The following NUP62 variants were observed in gnomAD, a reference collection of about 807,000 sequenced individuals.
NUP62 encodes nuclear pore glycoprotein p62.
For missense variants in NUP62, 647 were observed against 689.4 expected (o/e 0.94, Z 0.69); for synonymous variants, 305 against 303.4 (o/e 1.01, Z -0.05).
intron 2 of NUP62, among the ~76,000 whole-genome samples, chr19:49,914,887 G>A (rs1168152642): frequency 6.6e-6 from 1 of 151,536 alleles, no homozygotes; most frequent in Non-Finnish European, 1.5e-5. Flanking sequence ...TTACAGGCGT[G>A]CACCACCATG....
At position 49,908,429 on chromosome 19, in the gene NUP62, G is replaced by A. The variant is rs368893422; in HGVS notation, c.1379C>T (p.Thr460Met). ...ACTGGTGTCGGCGGGGGCCCCGGAC[G>A]TGTTCAGGTGCTCGATGATGTCCTT... ...DLKDIIEHLN[T>M]SGAPADTSDP... The change falls in exon 3 of 3, where the codon ACG becomes ATG. Residue 460 changes from threonine (T) to methionine (M), a missense_variant. Transcript: ENST00000352066. 5.0e-6 allele frequency: 8 copies of A among 1,614,024 alleles called. No homozygotes were observed. The highest frequency in any genetic ancestry group is 1.1e-5 in the South Asian group (1 of 91,092).
chr19:49,917,261 C>T (rs1264029251), intron 2 of NUP62, among the ~76,000 whole-genome samples: 1 of 152,234 alleles, frequency 6.6e-6, no homozygotes, highest in Non-Finnish European at 1.5e-5. Flanking sequence ...ACTGCCTTCC[C>T]TCACTTGCCC....
At chr19:49,925,860 T>A (rs995491328) in intron 2 of NUP62, among the ~76,000 whole-genome samples, 9 of 152,196 alleles carry the variant, frequency 5.9e-5, no homozygotes, top group Non-Finnish European at 1.0e-4. Context: ...CCGTATTATC[T>A]TTGCAACTTT....
intron 2 of NUP62, among the ~76,000 whole-genome samples, chr19:49,923,041 C>T (rs1451898461): frequency 1.3e-5 from 2 of 152,278 alleles, no homozygotes; most frequent in Non-Finnish European, 2.9e-5. Context: ...GGCTCTAGGA[C>T]ACTGGTGTCA....
At chr19:49,922,829 C>T (rs1415969046) in intron 2 of NUP62, among the ~76,000 whole-genome samples, 2 of 152,112 alleles carry the variant, frequency 1.3e-5, no homozygotes, top group Admixed American at 6.5e-5. Context: ...TTCTGGGAGC[C>T]ACCCCTCCCT....
chr19:49,912,464 C>T (rs746670077), intron 2 of NUP62, among the ~76,000 whole-genome samples: 6 of 152,156 alleles, frequency 3.9e-5, no homozygotes, highest in South Asian at 2.1e-4. Flanking sequence ...CCACTGCGCC[C>T]GGCCAACAGT....
At chr19:49,925,426 C>G (rs2075862732) in intron 2 of NUP62, among the ~76,000 whole-genome samples, 1 of 146,594 alleles carries the variant, frequency 6.8e-6, no homozygotes, top group Non-Finnish European at 1.5e-5. Flanking sequence ...AAGACCCTCC[C>G]CCCCATCTCT....
Position 49,908,959 on chromosome 19 carries a change from G to A in NUP62, c.849C>T (p.Ser283=), listed in dbSNP as rs756025011. ...TAATATATTT[S]SSSTTGFALN... is the part of the protein sequence containing the mutation. ...AGGCAAAGCCGGTGGTGCTGCTGCT[G>A]CTGGTGGTGGTGGCGGTGGCGGTGG... The change falls in exon 3 of 3, where the codon AGC becomes AGT. Residue 283 remains serine, a synonymous_variant. Transcript: ENST00000352066. The A allele has an allele frequency of 1.3e-6, 2 of 1,596,358 alleles. No individual in the cohort carries two copies. The highest frequency in any genetic ancestry group is 1.7e-5 in the Admixed American group (1 of 59,574).
rs2075351535 is a variant in NUP62 at position 49,907,561 on chromosome 19, G to C, written c.*678C>G. 3 of 379,492 alleles carry C rather than the reference G, an allele frequency of 7.9e-6. No homozygotes were observed. Among genetic ancestry groups the C allele is most frequent in the Non-Finnish European group, 4.9e-6 (1 of 204,070 alleles). The allele number at this position is 379,492 out of a possible 1,614,324, so 23.5% of individuals were successfully genotyped here. ...TCTTTTTTTTTTTTTTTTTTTTTGA[G>C]ACAGAGTCTCTGTTGCCTAGGCTGG... On this transcript the variant is annotated 3_prime_UTR_variant, in exon 3 of 3. Coordinates refer to ENST00000352066, the MANE Select transcript of NUP62 (RefSeq NM_016553.5).
rs1397248860 is a variant in NUP62 at position 49,921,234 on chromosome 19, G to A, written c.-78+6460C>T. Among the ~76,000 whole-genome samples the A allele has an allele frequency of 6.6e-6, 1 of 152,080 alleles. No homozygotes were observed. Among genetic ancestry groups the A allele is most frequent in the Non-Finnish European group, 1.5e-5 (1 of 68,022 alleles). On this transcript the variant is annotated intron_variant, in intron 2 of 2. Transcript: ENST00000352066. This position sits in a 1 kb window ranked among gnomAD's most constrained non-coding sequence, Gnocchi z 5.4. ...ATGAGCAAACTGAGAAAGGGGAGAGGACTTCAGTCACCTGCGTAAAGTCCC... is the reference window on the plus strand; with the variant it reads ...ATGAGCAAACTGAGAAAGGGGAGAGAACTTCAGTCACCTGCGTAAAGTCCC...
chr19:49,914,129 G>C (rs992943388), intron 2 of NUP62, among the ~76,000 whole-genome samples: 2 of 152,186 alleles, frequency 1.3e-5, no homozygotes, highest in Admixed American at 1.3e-4. Context: ...CAGGAGGATT[G>C]CTTAAGCCCA....
intron 2 of NUP62, among the ~76,000 whole-genome samples, chr19:49,914,299 G>A (rs1016519718): frequency 1.3e-5 from 2 of 152,204 alleles, no homozygotes; most frequent in African/African-American, 2.4e-5. Flanking sequence ...TGGTGGCGGT[G>A]GAGGAAGCAG....
intron 2 of NUP62, among the ~76,000 whole-genome samples, chr19:49,914,459 G>A (rs1360625250): frequency 6.6e-6 from 1 of 152,170 alleles, no homozygotes; most frequent in Non-Finnish European, 1.5e-5. Flanking sequence ...GGTCACCAAG[G>A]AAAGTGCTGG....
rs2075399020 is a variant in NUP62, at chr19:49,909,242, G to T, written c.566C>A (p.Pro189His). ...GGCTGCTGGCGTGGCCGGAGTGAAG[G>T]GCAACGTGGCAGGTGCCGTGGGCTG... Reference protein sequence around the residue: ...SAQPTAPATLPFTPATPAATT... With the variant: ...SAQPTAPATLHFTPATPAATT... The change falls in exon 3 of 3, where the codon CCC becomes CAC. Residue 189 changes from proline to histidine, a missense_variant. Physicochemically the swap from Pro to His is moderately conservative, Grantham distance 77 (BLOSUM62 -2). Coordinates refer to ENST00000352066, the MANE Select transcript of NUP62 (RefSeq NM_016553.5). The T allele has an allele frequency of 1.2e-6, 2 of 1,614,038 alleles. No individual in the cohort carries two copies.
At position 49,918,940 on chromosome 19, in the gene NUP62, G is replaced by A. The variant is rs560801549; in HGVS notation, c.-78+8754C>T. ...GTGGGGGGGCGGATCACCTGAGGTC[G>A]GGAGTTTGAGACCAGCCTGACCAAC... On this transcript the variant is annotated intron_variant, in intron 2 of 2. Coordinates refer to ENST00000352066, the MANE Select transcript of NUP62 (RefSeq NM_016553.5). Among the ~76,000 whole-genome samples the A allele has an allele frequency of 1.9e-3, 290 of 150,968 alleles. 4 individuals are homozygous for A. The highest frequency in any genetic ancestry group is 0.017 in the Middle Eastern group (5 of 292).
At chr19:49,923,987 G>A (rs2075824565) in intron 2 of NUP62, among the ~76,000 whole-genome samples, 1 of 152,260 alleles carries the variant, frequency 6.6e-6, no homozygotes, top group South Asian at 2.1e-4. Flanking sequence ...CATCATGCCA[G>A]GAGGCCACCG....
At chr19:49,912,227 T>C (rs2075485449) in intron 2 of NUP62, among the ~76,000 whole-genome samples, 1 of 141,732 alleles carries the variant, frequency 7.1e-6, no homozygotes, top group Admixed American at 7.7e-5. Flanking sequence ...TGGAGTGGAA[T>C]GGCATGATCT....
At position 49,908,278 on chromosome 19, in the gene NUP62, G is replaced by A. The variant is rs1287239944; in HGVS notation, c.1530C>T (p.Arg510=). The change falls in exon 3 of 3, where the codon CGC becomes CGT. Residue 510 remains arginine, a synonymous_variant. Coordinates refer to ENST00000352066, the MANE Select transcript of NUP62 (RefSeq NM_016553.5). ...TCCGGAAGCTGCGCTCCTGCTCCTT[G>A]CGCCGGCCCTCGCACACCTTGGTCA... ...EEVTKVCEGR[R]KEQERSFRIT... 1.2e-6 allele frequency: 2 copies of A among 1,613,702 alleles called. No homozygotes were observed. The highest frequency in any genetic ancestry group is 1.7e-6 in the Non-Finnish European group (2 of 1,180,044).
chr19:49,922,729 T>C (rs979175192), intron 2 of NUP62, among the ~76,000 whole-genome samples: 1 of 151,176 alleles, frequency 6.6e-6, no homozygotes, highest in African/African-American at 2.4e-5. Context: ...AAAAACTGGA[T>C]TTCCAGCTTC....
Sources: allele counts gnomAD v4.1 joint callset (sites outside exome capture counted in the v4.1 genomes callset), GRCh38; gene constraint gnomAD v4.1.1; non-coding constraint Gnocchi (gnomAD v3.1); transcripts MANE v1.5; gene names NCBI Gene and HGNC (gene_info 2026-07-23, HGNC 2026-07-21).